Variants in OR2L13 observed in about 807,000 individuals in gnomAD.
OR2L13 encodes the protein olfactory receptor 2L13.
A neutral mutation model predicts 15.3 loss-of-function variants in OR2L13; 14 were observed. The observed-to-expected ratio is 0.91, with a 90% CI of 0.60 to 1.43. The LOEUF (loss-of-function observed/expected upper bound fraction) is 1.43. OR2L13 is among the 40% of genes most tolerant of loss of function. OR2L13 has a pLI of 0.00. For missense variants in OR2L13, 367 were observed against 387.9 expected (o/e 0.95, Z 0.45); for synonymous variants, 152 against 142.9 (o/e 1.06, Z -0.45).
At chr1:248,067,828 G>A in the OR2L13 span, among the ~76,000 whole-genome samples, 13 of 152,316 alleles carry the variant, frequency 8.5e-5, no homozygotes, top group East Asian at 1.9e-4. Context: ...AAAAAACGGC[G>A]CGCCAGGAGG....
At chr1:248,070,421 AAAC>A in the OR2L13 span, among the ~76,000 whole-genome samples, 1 of 152,196 alleles carries the variant, frequency 6.6e-6, no homozygotes, top group East Asian at 1.9e-4. Flanking sequence ...TGTTCTTTGA[AAAC>A]AACAAGAACA....
chr1:247,942,046 AC>A, the OR2L13 span, among the ~76,000 whole-genome samples: 1 of 152,130 alleles, frequency 6.6e-6, no homozygotes, highest in African/African-American at 2.4e-5. Context: ...ACACACATAC[AC>A]AAAAAAACTA....
At chr1:247,983,801 C>T in the OR2L13 span, among the ~76,000 whole-genome samples, 1 of 152,214 alleles carries the variant, frequency 6.6e-6, no homozygotes, top group Non-Finnish European at 1.5e-5. Flanking sequence ...AGAACAAGGT[C>T]TGGTAGAAAG....
the OR2L13 span, among the ~76,000 whole-genome samples, chr1:247,977,916 G>A: frequency 2.6e-5 from 4 of 152,110 alleles, no homozygotes; most frequent in Non-Finnish European, 5.9e-5. Flanking sequence ...CCAATCAGCA[G>A]TCCCCACACT....
the OR2L13 span, among the ~76,000 whole-genome samples, chr1:248,008,949 A>G: frequency 6.6e-6 from 1 of 152,206 alleles, no homozygotes; most frequent in South Asian, 2.1e-4. Context: ...TGGGTAAATA[A>G]TGAAATTAAA....
At chr1:248,048,937 T>G in the OR2L13 span, among the ~76,000 whole-genome samples, 1 of 151,378 alleles carries the variant, frequency 6.6e-6, no homozygotes, top group Non-Finnish European at 1.5e-5. Flanking sequence ...TTTTTTTTTT[T>G]GGTAAATCCA....
the OR2L13 span, among the ~76,000 whole-genome samples, chr1:247,937,800 G>T: frequency 6.6e-6 from 1 of 152,298 alleles, no homozygotes; most frequent in Non-Finnish European, 1.5e-5. Context: ...AAATGTTCAG[G>T]TTAATTTTAT....
At chr1:248,008,456 A>G in the OR2L13 span, among the ~76,000 whole-genome samples, 8 of 152,258 alleles carry the variant, frequency 5.3e-5, no homozygotes, top group Admixed American at 2.6e-4. Context: ...TGTTGTATCA[A>G]TTTGTTTCCT....
chr1:248,072,821 G>T, the OR2L13 span, among the ~76,000 whole-genome samples: 27 of 151,852 alleles, frequency 1.8e-4, no homozygotes, highest in African/African-American at 5.5e-4. Flanking sequence ...CAAAGCACAT[G>T]AACAGACATT....
At chr1:247,949,697 C>T in the OR2L13 span, 7 of 1,613,972 alleles carry the variant, frequency 4.3e-6, no homozygotes, top group Non-Finnish European at 5.9e-6. Flanking sequence ...ACACCATCCT[C>T]ACCCCAATGC....
exon 3 of OR2L13, chr1:248,099,910 G>C: frequency 1.9e-6 from 3 of 1,614,044 alleles, no homozygotes; most frequent in Non-Finnish European, 2.5e-6. Context: ...TTTCTTCTGC[G>C]ATGTCCCAGC....
the OR2L13 span, chr1:248,039,024 C>A: frequency 3.7e-6 from 6 of 1,613,996 alleles, no homozygotes; most frequent in Non-Finnish European, 5.1e-6. Context: ...CTACTATGCA[C>A]CCTTTGCTTA....
chr1:248,079,239 G>C, the OR2L13 span, among the ~76,000 whole-genome samples: 1 of 129,986 alleles, frequency 7.7e-6, no homozygotes, highest in Non-Finnish European at 1.7e-5. Context: ...GGACAAGCTG[G>C]GTGAAGGGTA....
the OR2L13 span, among the ~76,000 whole-genome samples, chr1:248,066,427 T>C: frequency 7.9e-5 from 12 of 152,328 alleles, no homozygotes; most frequent in African/African-American, 2.9e-4. Context: ...TACTAACTTT[T>C]TTTTTACTTG....
At chr1:248,014,229 T>G in the OR2L13 span, among the ~76,000 whole-genome samples, 2 of 152,110 alleles carry the variant, frequency 1.3e-5, no homozygotes, top group East Asian at 3.9e-4. Context: ...CAAGGAAATA[T>G]GTAGAAACAA....
the OR2L13 span, among the ~76,000 whole-genome samples, chr1:248,059,601 T>C: frequency 6.6e-6 from 1 of 152,336 alleles, no homozygotes; most frequent in South Asian, 2.1e-4. Flanking sequence ...TAAAGGGACA[T>C]AGCAATAAGG....
chr1:248,091,659 T>C (rs1664600439), upstream of OR2L13, among the ~76,000 whole-genome samples: 1 of 152,182 alleles, frequency 6.6e-6, no homozygotes, highest in Non-Finnish European at 1.5e-5. Context: ...CATTGTACCA[T>C]TAACATGCTG....
the OR2L13 span, among the ~76,000 whole-genome samples, chr1:248,069,626 A>G: frequency 8.5e-5 from 13 of 152,202 alleles, no homozygotes; most frequent in African/African-American, 2.9e-4. Context: ...ACATAACAAT[A>G]TTAACTTTAA....
the OR2L13 span, chr1:247,966,266 T>C: frequency 1.2e-6 from 2 of 1,613,360 alleles, no homozygotes; most frequent in Admixed American, 1.7e-5. Flanking sequence ...AATAAGGAAG[T>C]GACGGGGGCA....
Sources: allele counts gnomAD v4.1 joint callset (sites outside exome capture counted in the v4.1 genomes callset), GRCh38; gene constraint gnomAD v4.1.1; transcripts MANE v1.5; gene names NCBI Gene and HGNC (gene_info 2026-07-23, HGNC 2026-07-21).